Variants in PGM1 observed in about 807,000 individuals in gnomAD.
PGM1 encodes the protein phosphoglucomutase 1.
Under a neutral mutation model 55.6 loss-of-function variants are expected in PGM1, and 52 were observed. That is an observed-to-expected ratio of 0.94 (90% CI 0.75 to 1.18). The LOEUF (loss-of-function observed/expected upper bound fraction) is 1.18, where lower values mean the gene tolerates loss of function less well. Among genes scored for constraint, PGM1 ranks in the 50% most tolerant of loss-of-function variants. PGM1 has a pLI of 0.00. For synonymous variants in PGM1, 287 were observed against 271.7 expected, an observed-to-expected ratio of 1.06 and a Z score of -0.55; for missense variants, 724 against 729.3, an observed-to-expected ratio of 0.99 and a Z score of 0.08.
intron 7 of PGM1, among the ~76,000 whole-genome samples, chr1:63,645,871 T>G: frequency 6.6e-6 from 1 of 152,242 alleles, no homozygotes. Context: ...TTCCTTGTGC[T>G]ATGCTAGTCA....
At chr1:63,642,286 C>T (rs770901344) in intron 7 of PGM1, among the ~76,000 whole-genome samples, 1 of 152,178 alleles carries the variant, frequency 6.6e-6, no homozygotes, top group Non-Finnish European at 1.5e-5. Context: ...ATACATTATA[C>T]ATTAGTCTGT....
intron 1 of PGM1, among the ~76,000 whole-genome samples, chr1:63,615,402 G>A (rs1648681595): frequency 6.6e-6 from 1 of 152,042 alleles, no homozygotes; most frequent in Admixed American, 6.6e-5. Context: ...GGACCCCATC[G>A]AAAAGGATGT....
chr1:63,600,984 A>G (rs565842742), intron 1 of PGM1, among the ~76,000 whole-genome samples: 1 of 152,250 alleles, frequency 6.6e-6, no homozygotes, highest in South Asian at 2.1e-4. Flanking sequence ...AAAACTTTTC[A>G]TCTACCCTCC....
At chr1:63,648,714 C>A in intron 8 of PGM1, 62 bp downstream of exon 8, 1 of 1,554,062 alleles carries the variant, frequency 6.4e-7, no homozygotes, top group Non-Finnish European at 8.8e-7. Flanking sequence ...AGAATTCTTG[C>A]GCATCCACAG....
intron 4 of PGM1, among the ~76,000 whole-genome samples, chr1:63,633,918 G>GTGTGTGTGTGTA (rs1407304546): frequency 1.1e-4 from 3 of 26,752 alleles, no homozygotes; most frequent in Non-Finnish European, 1.4e-4. Context: ...GTGTGTGTGT[G>GTGTGTGTGTGTA]TATATATATA....
rs757888302 is a variant in PGM1 at position 63,660,067 on chromosome 1, A to G, written c.*392A>G. ...GGTGCAAGTTCCTTTCTCTTTTGTG[A>G]ATCTTTCCCCCCATTTCCTGTTTAC... On this transcript the variant is annotated 3_prime_UTR_variant, in exon 11 of 11. Transcript: ENST00000371084. The G allele has an allele frequency of 7.1e-6, 2 of 280,514 alleles. No homozygotes were observed. The highest frequency in any genetic ancestry group is 1.4e-5 in the Non-Finnish European group (2 of 142,530). 17.4% of individuals were successfully genotyped at this position (280,514 alleles called of 1,614,324 possible).
At chr1:63,617,730 C>CAAAAAAAA (rs34771728) in intron 1 of PGM1, among the ~76,000 whole-genome samples, 6 of 43,324 alleles carry the variant, frequency 1.4e-4, no homozygotes, top group Non-Finnish European at 2.2e-4. Flanking sequence ...TGCCTCCCCA[C>CAAAAAAAA]AAAAAAAAAA....
intron 1 of PGM1, among the ~76,000 whole-genome samples, chr1:63,615,228 T>C (rs970848135): frequency 1.3e-5 from 2 of 152,382 alleles, no homozygotes; most frequent in South Asian, 2.1e-4. Flanking sequence ...TCAGTCCTTA[T>C]CAATACCCTT....
intron 10 of PGM1, among the ~76,000 whole-genome samples, chr1:63,656,617 T>C (rs1649976989): frequency 6.7e-6 from 1 of 150,020 alleles, no homozygotes; most frequent in Admixed American, 6.7e-5. Context: ...TATACCACAA[T>C]GGAAAATTAT....
Position 63,636,372 on chromosome 1 carries a change from AG to A in PGM1, c.1013del (p.Ser338MetfsTer28). ...VRGFARSMPT[S>X]GALDRVASAT... Reference sequence around the variant, plus strand: ...CGGCTTTGCACGGAGCATGCCCACGAGTGGTGCTCTGGACCGGTAGGTGTCT... The same window carrying A: ...CGGCTTTGCACGGAGCATGCCCACGATGGTGCTCTGGACCGGTAGGTGTCT... On this transcript the variant is annotated frameshift_variant, in exon 6 of 11. Coordinates refer to ENST00000371084, the MANE Select transcript of PGM1 (RefSeq NM_002633.3). LOFTEE classifies it high-confidence loss of function. The A allele has an allele frequency of 6.2e-7, 1 of 1,614,054 alleles. No individual in the cohort carries two copies. The highest frequency in any genetic ancestry group is 8.5e-7 in the Non-Finnish European group (1 of 1,179,992).
intron 1 of PGM1, among the ~76,000 whole-genome samples, chr1:63,622,518 C>T (rs931562988): frequency 1.3e-5 from 2 of 152,112 alleles, no homozygotes; most frequent in Non-Finnish European, 2.9e-5. Flanking sequence ...ATGTTAAAAA[C>T]GAATCTCATG....
At chr1:63,638,660 TA>T in intron 6 of PGM1, 24 bp from the exon 7 acceptor site, 1 of 1,491,226 alleles carries the variant, frequency 6.7e-7, no homozygotes, top group Non-Finnish European at 9.4e-7. Flanking sequence ...TGCTGTGATG[TA>T]ACTTTGATTT....
rs78136694 is a variant in PGM1, at chr1:63,609,926, A to G, written c.246+16192A>G. Among the ~76,000 whole-genome samples the G allele has an allele frequency of 6.6e-5, 10 of 152,232 alleles. No individual in the cohort carries two copies. The East Asian group carries it at 1.7e-3, about 26-fold the overall frequency. ...ATCAGATGCATTTTTGACTGATGAT[A>G]TTTTCAACTTACAATGGGTTCCAAA... is the stretch of plus-strand genomic sequence containing the variant. On this transcript the variant is annotated intron_variant, in intron 1 of 10. Coordinates refer to ENST00000371084, the MANE Select transcript of PGM1 (RefSeq NM_002633.3).
At chr1:63,606,536 C>T (rs566234740) in intron 1 of PGM1, among the ~76,000 whole-genome samples, 1 of 152,272 alleles carries the variant, frequency 6.6e-6, no homozygotes, top group South Asian at 2.1e-4. Context: ...TGCCAGCTAA[C>T]ATGCCAACAG....
At chr1:63,634,774 C>T in intron 4 of PGM1, 55 bp from the exon 5 acceptor site, 1 of 1,470,076 alleles carries the variant, frequency 6.8e-7, no homozygotes. Context: ...TCCTCACATA[C>T]TTTAAGGAGT....
At chr1:63,634,176 GT>G in intron 4 of PGM1, among the ~76,000 whole-genome samples, 1 of 151,652 alleles carries the variant, frequency 6.6e-6, no homozygotes, top group Admixed American at 6.6e-5. Flanking sequence ...AGCCATGTAA[GT>G]TTGGGCAAAT....
At chr1:63,631,630 A>G (rs767491522) in intron 3 of PGM1, 27 bp from the exon 4 acceptor site, 45 of 1,608,256 alleles carry the variant, frequency 2.8e-5, no homozygotes, top group Non-Finnish European at 3.7e-5. Context: ...TAATCCTTCC[A>G]TCTTTTGATG....
chr1:63,616,176 A>G (rs1454520596), intron 1 of PGM1, among the ~76,000 whole-genome samples: 3 of 152,246 alleles, frequency 2.0e-5, no homozygotes, highest in Non-Finnish European at 4.4e-5. Flanking sequence ...TTGAAATTCA[A>G]ATTGTCTTGA....
intron 7 of PGM1, among the ~76,000 whole-genome samples, chr1:63,640,035 C>T (rs1157482163): frequency 6.6e-6 from 1 of 152,178 alleles, no homozygotes; most frequent in Non-Finnish European, 1.5e-5. Context: ...ATTACAAGGC[C>T]ACTGCTTAGT....
Sources: allele counts gnomAD v4.1 joint callset (sites outside exome capture counted in the v4.1 genomes callset), GRCh38; gene constraint gnomAD v4.1.1; transcripts MANE v1.5; gene names NCBI Gene and HGNC (gene_info 2026-07-23, HGNC 2026-07-21).